Variants in FBXO3 observed in about 807,000 individuals in gnomAD.
FBXO3 encodes the protein F-box only protein 3.
In FBXO3, 17 loss-of-function variants were observed where a neutral mutation model predicts 64.8. The ratio of observed to expected loss-of-function variants is 0.26; its 90% confidence interval spans 0.18 to 0.39. FBXO3 has a LOEUF of 0.39. Ranked by LOEUF, FBXO3 falls within the 10% of genes least tolerant of loss-of-function variation. FBXO3 has a pLI of 1.00. For synonymous variants in FBXO3, 182 were observed against 201.6 expected (o/e 0.90, Z 0.82); for missense variants, 420 against 589.9 (o/e 0.71, Z 2.98).
At chr11:33,758,267 AC>A in intron 4 of FBXO3, among the ~76,000 whole-genome samples, 1 of 152,332 alleles carries the variant, frequency 6.6e-6, no homozygotes, top group Middle Eastern at 3.4e-3. Flanking sequence ...TTTTAACTAT[AC>A]AAATATATTG....
At position 33,763,722 on chromosome 11, in the gene FBXO3, C is replaced by T. The variant is rs59401537; in HGVS notation, c.359-5121G>A. Among the ~76,000 whole-genome samples, 1,117 of 151,834 alleles carry T rather than the reference C, an allele frequency of 7.4e-3. 5 individuals carry two copies. Among genetic ancestry groups the T allele is most frequent in the African/African-American group, 0.013 (553 of 41,386 alleles). On this transcript the variant is annotated intron_variant, in intron 3 of 10. Coordinates refer to ENST00000265651, the MANE Select transcript of FBXO3 (RefSeq NM_012175.4). ...CTGCAATCAGAAAGATAAGGATGCC[C>T]GCTATCCTATCATTACTCCTCTCCA...
chr11:33,757,131 A>G (rs1403595597), intron 4 of FBXO3: 10 of 515,384 alleles, frequency 1.9e-5, no homozygotes, highest in Admixed American at 1.8e-4. Context: ...AGAGCCTCAC[A>G]TGATTCTTCA....
At chr11:33,745,277 C>T (rs1275287871) in intron 10 of FBXO3, 1 of 149,928 alleles carries the variant, frequency 6.7e-6, no homozygotes, top group African/African-American at 2.5e-5. Flanking sequence ...TCATCTCTCA[C>T]TTGTTGATAG....
intron 2 of FBXO3, 30 bp downstream of exon 2, chr11:33,770,711 T>C: frequency 6.4e-7 from 1 of 1,572,578 alleles, no homozygotes. Flanking sequence ...AGGGCCAGTT[T>C]TCAGAAGTAC....
At chr11:33,750,890 T>C (rs1854940290) in intron 7 of FBXO3, among the ~76,000 whole-genome samples, 1 of 152,208 alleles carries the variant, frequency 6.6e-6, no homozygotes, top group Non-Finnish European at 1.5e-5. Context: ...CAATGATCAG[T>C]GGTTCAAATA....
chr11:33,767,352 T>C (rs1164847408), intron 3 of FBXO3, among the ~76,000 whole-genome samples: 4 of 152,162 alleles, frequency 2.6e-5, no homozygotes, highest in Non-Finnish European at 4.4e-5. Context: ...CAGGCTGGAG[T>C]GCAGTGGCGC....
chr11:33,741,977 A>ATCT lies in FBXO3; in HGVS notation c.1346_1347insAGA (p.Asp448_Asp449insGlu). 1 of 1,613,824 alleles carries ATCT rather than the reference A, an allele frequency of 6.2e-7. No homozygotes were observed. The highest frequency in any genetic ancestry group is 8.5e-7 in the Non-Finnish European group (1 of 1,179,772). ...AGACTCTCCTCCGTCTCTCCTCTTC[A>ATCT]TCATCTTCATCTGATTCATCCATAT... On this transcript the variant is annotated inframe_insertion, in exon 11 of 11. Transcript: ENST00000265651.
chr11:33,769,497 T>C (rs1415489342), intron 2 of FBXO3, among the ~76,000 whole-genome samples: 1 of 152,160 alleles, frequency 6.6e-6, no homozygotes, highest in Non-Finnish European at 1.5e-5. Flanking sequence ...CAAGCATTTA[T>C]TGAGTGTCCA....
At chr11:33,765,900 A>C (rs1050629681) in intron 3 of FBXO3, among the ~76,000 whole-genome samples, 6 of 152,160 alleles carry the variant, frequency 3.9e-5, no homozygotes, top group Non-Finnish European at 8.8e-5. Flanking sequence ...GCCTCCCCAG[A>C]AGCAGATGCC....
intron 5 of FBXO3, among the ~76,000 whole-genome samples, 183 bp downstream of exon 5, chr11:33,755,588 T>C (rs1325868901): frequency 6.6e-6 from 1 of 152,256 alleles, no homozygotes; most frequent in Non-Finnish European, 1.5e-5. Flanking sequence ...TATGTCCAAC[T>C]GTCAAGTTTT....
chr11:33,767,936 T>C (rs1224037851), intron 3 of FBXO3, among the ~76,000 whole-genome samples: 1 of 152,228 alleles, frequency 6.6e-6, no homozygotes, highest in Non-Finnish European at 1.5e-5. Context: ...TTCTTTCTTC[T>C]ACCTTTTAGC....
intron 10 of FBXO3, 174 bp downstream of exon 10, chr11:33,746,956 G>GCCTCATTTACTTGTC: frequency 6.9e-7 from 1 of 1,458,014 alleles, no homozygotes; most frequent in East Asian, 2.5e-5. Context: ...AGACTATGGA[G>GCCTCATTTACTTGTC]CCTCATTTAC....
chr11:33,750,366 A>G (rs1410029230), intron 8 of FBXO3, among the ~76,000 whole-genome samples, 173 bp downstream of exon 8: 1 of 152,238 alleles, frequency 6.6e-6, no homozygotes, highest in Non-Finnish European at 1.5e-5. Flanking sequence ...GTTAATATGA[A>G]GTCAAAGTCC....
rs918751712 is a variant in FBXO3, at chr11:33,769,147, G to T, written c.195-133C>A. On this transcript the variant is annotated intron_variant, in intron 2 of 10. Transcript: ENST00000265651. The stretch of plus-strand genomic sequence containing the variant: ...ATATTTTAGCCACAAATGAAGATCA[G>T]ATAGCAAAAAGTGATATATACATAA... The T allele has an allele frequency of 1.3e-4, 105 of 779,454 alleles. 1 individual carries two copies. Among genetic ancestry groups the T allele is most frequent in the Non-Finnish European group, 1.8e-4 (96 of 538,738 alleles). The allele number at this position is 779,454 out of a possible 1,614,324, so 48.3% of individuals were successfully genotyped here.
In FBXO3 at chr11:33,748,867, G is replaced by A; in HGVS notation, c.958C>T (p.Pro320Ser). The A allele has an allele frequency of 6.2e-7, 1 of 1,613,514 alleles. No individual in the cohort carries two copies. ...IRIEMSKDAL[P>S]EKACQLDSRY... ...CTGTCCAACTGACAGGCCTTCTCAG[G>A]AAGTGCATCTTTTGACATTTCAATC... The change falls in exon 9 of 11, where the codon CCT (proline) becomes TCT (serine). Residue 320 changes from proline (P) to serine (S), a missense_variant. Pro to Ser is a moderately conservative substitution (Grantham distance 74). This residue lies in a region of FBXO3 where 337 missense variants were observed against 518.4 expected (regional missense o/e 0.65). Coordinates refer to ENST00000265651, the MANE Select transcript of FBXO3 (RefSeq NM_012175.4).
intron 3 of FBXO3, among the ~76,000 whole-genome samples, chr11:33,762,563 T>C (rs931610108): frequency 2.6e-5 from 4 of 151,882 alleles, no homozygotes; most frequent in Non-Finnish European, 5.9e-5. Flanking sequence ...AAAGAAGAAA[T>C]CAAAGAAATC....
At chr11:33,770,518 G>A (rs1855485513) in intron 2 of FBXO3, among the ~76,000 whole-genome samples, 1 of 152,224 alleles carries the variant, frequency 6.6e-6, no homozygotes, top group African/African-American at 2.4e-5. Context: ...CATGCAGATA[G>A]TCACTATAAA....
rs760270591 is a variant in FBXO3, at chr11:33,758,582, G to A, written c.378C>T (p.Asp126=). The change falls in exon 4 of 11, where the codon GAC becomes GAT. Residue 126 remains aspartate, a synonymous_variant. Transcript: ENST00000265651. ...LSLKEGAREE[D]LDAVEAQIGC... The stretch of plus-strand genomic sequence containing the variant: ...CAATCTGCGCTTCCACAGCATCGAG[G>A]TCTTCCTCTCGAGCACCCTCTATAA... 1.5e-5 allele frequency: 24 copies of A among 1,607,092 alleles called. No homozygotes were observed. Among genetic ancestry groups the A allele is most frequent in the Admixed American group, 1.3e-4 (8 of 59,682 alleles).
intron 4 of FBXO3, among the ~76,000 whole-genome samples, chr11:33,757,818 C>T (rs1855145709): frequency 6.6e-6 from 1 of 151,474 alleles, no homozygotes; most frequent in Non-Finnish European, 1.5e-5. Context: ...AGTAGCTGGG[C>T]ATGGTGGTGC....
Sources: gnomAD v4.1 joint callset for allele counts (sites outside exome capture counted in the v4.1 genomes callset) on GRCh38, gnomAD v4.1.1 for gene constraint, gnomAD v4.1.1 regional missense constraint, MANE v1.5 for transcripts, NCBI Gene and HGNC (gene_info 2026-07-23, HGNC 2026-07-21) for gene names.